Variants in KCNIP4 observed in about 807,000 individuals in gnomAD.
KCNIP4 encodes Kv channel-interacting protein 4.
A neutral mutation model predicts 34.0 loss-of-function variants in KCNIP4; 12 were observed. The ratio of observed to expected loss-of-function variants is 0.35; its 90% confidence interval spans 0.23 to 0.57. The LOEUF is 0.57. Ranked by LOEUF, KCNIP4 falls within the 20% of genes least tolerant of loss-of-function variation. The pLI is 0.83. For missense variants in KCNIP4, 238 were observed against 311.7 expected (o/e 0.76, Z 1.78); for synonymous variants, 124 against 102.2 (o/e 1.21, Z -1.29).
In KCNIP4 at chr4:20,743,615, T is replaced by C. The variant is rs550398763; in HGVS notation, c.429+6047A>G. 2.9e-4 allele frequency among the ~76,000 whole-genome samples: 44 copies of C among 152,222 alleles called. 2 individuals carry two copies. The South Asian group carries it at 8.9e-3, about 31-fold the overall frequency. On this transcript the variant is annotated intron_variant, in intron 5 of 8. Coordinates refer to ENST00000382152, the MANE Select transcript of KCNIP4 (RefSeq NM_025221.6). ...CCTTCCTTACACTTTATACAAAAAT[T>C]AATTCAAGATGGATTAAAGACTTAA...
intron 1 of KCNIP4, among the ~76,000 whole-genome samples, chr4:21,540,590 A>G (rs529085668): frequency 2.0e-5 from 3 of 152,276 alleles, no homozygotes; most frequent in African/African-American, 4.8e-5. Context: ...ATGATGATTC[A>G]CTGTACTTTA....
intron 1 of KCNIP4, among the ~76,000 whole-genome samples, chr4:21,194,184 T>C (rs1755886030): frequency 6.6e-6 from 1 of 152,216 alleles, no homozygotes; most frequent in African/African-American, 2.4e-5. Context: ...TAATTCTGTT[T>C]ACTATTGATA....
At chr4:21,520,377 T>C (rs1162273219) in intron 1 of KCNIP4, among the ~76,000 whole-genome samples, 1 of 152,172 alleles carries the variant, frequency 6.6e-6, no homozygotes, top group African/African-American at 2.4e-5. Flanking sequence ...GTTTGTCGTT[T>C]AAGCCACCAG....
At chr4:21,900,786 T>C (rs1332673864) in intron 1 of KCNIP4, among the ~76,000 whole-genome samples, 3 of 152,196 alleles carry the variant, frequency 2.0e-5, no homozygotes, top group Admixed American at 2.0e-4. Flanking sequence ...ATTTGATGTG[T>C]TCTCCATTGC....
intron 1 of KCNIP4, among the ~76,000 whole-genome samples, chr4:21,705,424 C>T (rs1713184133): frequency 6.6e-6 from 1 of 152,056 alleles, no homozygotes; most frequent in African/African-American, 2.4e-5. Flanking sequence ...TGCTAATCTA[C>T]AATTATACCC....
chr4:21,842,418 T>G (rs1195450831), intron 1 of KCNIP4, among the ~76,000 whole-genome samples: 1 of 152,136 alleles, frequency 6.6e-6, no homozygotes, highest in Non-Finnish European at 1.5e-5. Context: ...TCCTAACAAG[T>G]AATATTTATC....
chr4:21,151,544 T>C (rs1752761558), intron 1 of KCNIP4, among the ~76,000 whole-genome samples: 1 of 150,696 alleles, frequency 6.6e-6, no homozygotes, highest in African/African-American at 2.4e-5. Context: ...CCTCACACGG[T>C]GATGAGATAG....
At chr4:21,374,869 C>T (rs925431292) in intron 1 of KCNIP4, among the ~76,000 whole-genome samples, 1 of 147,462 alleles carries the variant, frequency 6.8e-6, no homozygotes, top group Non-Finnish European at 1.5e-5. Flanking sequence ...AGGCATGCTC[C>T]CCATTCCTGT....
intron 1 of KCNIP4, chr4:21,608,674 T>A (rs1743912600): frequency 6.6e-6 from 1 of 152,182 alleles, no homozygotes; most frequent in Non-Finnish European, 1.5e-5. Context: ...CATAAAATAG[T>A]CACAGAATCT....
chr4:21,773,746 T>TG (rs1553930246), intron 1 of KCNIP4, among the ~76,000 whole-genome samples: 595 of 52,310 alleles, frequency 0.011, 12 homozygotes, highest in African/African-American at 0.054. Flanking sequence ...TTTTTTGTTG[T>TG]TTTTTTTTTT....
chr4:20,944,750 CTAAA>C (rs1732018161), intron 1 of KCNIP4, among the ~76,000 whole-genome samples: 1 of 152,180 alleles, frequency 6.6e-6, no homozygotes, highest in African/African-American at 2.4e-5. Context: ...TGCCTTCATC[CTAAA>C]TAAATCTGTT....
chr4:21,115,901 T>G (rs1458140558), intron 1 of KCNIP4, among the ~76,000 whole-genome samples: 3 of 152,214 alleles, frequency 2.0e-5, no homozygotes, highest in African/African-American at 7.2e-5. Context: ...ATAAGCTTTT[T>G]TAGAACATCT....
chr4:21,692,757 G>C (rs1295253185), intron 1 of KCNIP4, among the ~76,000 whole-genome samples: 1 of 148,636 alleles, frequency 6.7e-6, no homozygotes, highest in African/African-American at 2.5e-5. Context: ...TGCGGGCCAA[G>C]AGAATATAAA....
At chr4:20,825,793 C>G (rs1717687556) in intron 3 of KCNIP4, among the ~76,000 whole-genome samples, 1 of 152,074 alleles carries the variant, frequency 6.6e-6, no homozygotes, top group Non-Finnish European at 1.5e-5. Context: ...GAACAGAACC[C>G]TAAGGAACAG....
At chr4:21,137,050 G>T (rs1751551965) in intron 1 of KCNIP4, among the ~76,000 whole-genome samples, 1 of 152,086 alleles carries the variant, frequency 6.6e-6, no homozygotes, top group South Asian at 2.1e-4. Context: ...CTGAATTCAT[G>T]AACACATCAG....
chr4:21,894,961 C>T (rs182413936), intron 1 of KCNIP4, among the ~76,000 whole-genome samples: 35 of 152,280 alleles, frequency 2.3e-4, no homozygotes, highest in African/African-American at 7.0e-4. Context: ...TCCTCATTAT[C>T]CCTGTCCCTT....
chr4:20,882,698 C>T lies in KCNIP4; in HGVS notation c.73G>A (p.Ala25Thr), dbSNP rs375511471. The T allele has an allele frequency of 5.3e-5, 86 of 1,612,830 alleles. No individual in the cohort carries two copies. The highest frequency in any genetic ancestry group is 1.6e-4 in the Middle Eastern group (1 of 6,076). ...EASSTGGFLYAQNSTKRSIKE... is the reference protein window; with the variant it reads ...EASSTGGFLYTQNSTKRSIKE... ...ATGCTGCGCTTGGTGCTGTTCTGAG[C>T]GTACAGGAAACCTAGAAGATACAGG... Residue 25 changes from alanine to threonine, a missense_variant, in exon 2 of 9, where the codon GCT (alanine) becomes ACT (threonine). Coordinates refer to ENST00000382152, the MANE Select transcript of KCNIP4 (RefSeq NM_025221.6).
intron 1 of KCNIP4, among the ~76,000 whole-genome samples, chr4:20,966,509 T>G (rs1409020932): frequency 2.6e-5 from 4 of 152,232 alleles, no homozygotes; most frequent in African/African-American, 7.2e-5. Context: ...TAGAAAAAAC[T>G]TGAGCTCTAA....
At chr4:21,766,274 T>C (rs1718412277) in intron 1 of KCNIP4, among the ~76,000 whole-genome samples, 1 of 152,202 alleles carries the variant, frequency 6.6e-6, no homozygotes, top group African/African-American at 2.4e-5. Context: ...ACTTGGCGTA[T>C]ACCGATCTCA....
Sources: allele counts gnomAD v4.1 joint callset (sites outside exome capture counted in the v4.1 genomes callset), GRCh38; gene constraint gnomAD v4.1.1; transcripts MANE v1.5; gene names NCBI Gene and HGNC (gene_info 2026-07-23, HGNC 2026-07-21).